Variants in USP47 observed in about 807,000 individuals in gnomAD.
USP47 encodes the protein ubiquitin carboxyl-terminal hydrolase 47.
USP47 carries 35 observed loss-of-function variants against 165.1 expected under a neutral mutation model. The ratio of observed to expected loss-of-function variants is 0.21; its 90% CI spans 0.16 to 0.28. The LOEUF is 0.28. USP47 is among the 10% of genes least tolerant of loss of function. The pLI is 1.00. For missense variants in USP47, 1,277 were observed against 1,607.4 expected (o/e 0.79, Z 3.52); for synonymous variants, 531 against 544.5 (o/e 0.98, Z 0.35).
intron 14 of USP47, among the ~76,000 whole-genome samples, chr11:11,932,473 T>G (rs1178724492): frequency 6.6e-6 from 1 of 152,162 alleles, no homozygotes; most frequent in African/African-American, 2.4e-5. Flanking sequence ...AGGAAGCAGC[T>G]AAAGACTGCT....
At chr11:11,938,740 TTA>T (rs2134750523) in intron 18 of USP47, among the ~76,000 whole-genome samples, 1 of 152,102 alleles carries the variant, frequency 6.6e-6, no homozygotes, top group African/African-American at 2.4e-5. Flanking sequence ...AATGCTGCAT[TTA>T]GTGTCTGGTG....
In USP47 at chr11:11,857,851, A is replaced by G. The variant is rs559434488; in HGVS notation, c.39+15627A>G. Among the ~76,000 whole-genome samples the G allele has an allele frequency of 5.3e-5, 8 of 152,332 alleles. No individual in the cohort carries two copies. In the East Asian group the frequency reaches 7.7e-4, roughly 15 times the overall value. ...TTCAGCCTCTGGTTGGTTGTTGGCA[A>G]ACAGACTGATTACGGGCCAAATCTT... is the stretch of plus-strand genomic sequence containing the variant. On this transcript the variant is annotated intron_variant, in intron 1 of 27. Coordinates refer to ENST00000527733, the MANE Select transcript of USP47 (RefSeq NM_001282659.2).
chr11:11,859,777 G>A (rs116726465), intron 1 of USP47, among the ~76,000 whole-genome samples: 2,855 of 152,198 alleles, frequency 0.019, 65 homozygotes, highest in African/African-American at 0.055. Flanking sequence ...AATTCATAGA[G>A]CATTTTCAAG....
intron 21 of USP47, 27 bp from the exon 22 acceptor site, chr11:11,948,451 G>A: frequency 1.3e-6 from 2 of 1,577,192 alleles, no homozygotes; most frequent in Non-Finnish European, 1.7e-6. Flanking sequence ...GAGACAGCAT[G>A]TCTAAAAAAA....
At position 11,942,646 on chromosome 11, in the gene USP47, C is replaced by T; in HGVS notation, c.2625C>T (p.Asp875=). 3.1e-6 allele frequency: 5 copies of T among 1,613,430 alleles called. No individual in the cohort carries two copies. The highest frequency in any genetic ancestry group is 4.2e-6 in the Non-Finnish European group (5 of 1,179,764). Residue 875 remains aspartate (D), a synonymous_variant, in exon 20 of 28, where the codon GAC becomes GAT. Coordinates refer to ENST00000527733, the MANE Select transcript of USP47 (RefSeq NM_001282659.2). ...LQQQQDGDNG[D]SSKSTETSDF... ...AACAGCAGGATGGAGATAATGGGGA[C>T]AGCAGCAAAAGTACTGAGACAAGTG...
intron 16 of USP47, among the ~76,000 whole-genome samples, chr11:11,934,305 G>T (rs531247022): frequency 2.0e-5 from 3 of 152,100 alleles, no homozygotes; most frequent in Non-Finnish European, 4.4e-5. Flanking sequence ...ACAAGGCGTG[G>T]TCACTGCCTT....
chr11:11,935,224 C>A (rs1023936843), intron 16 of USP47, among the ~76,000 whole-genome samples: 13 of 152,040 alleles, frequency 8.6e-5, no homozygotes, highest in Admixed American at 6.6e-4. Context: ...TACTGCCCCT[C>A]ACTAAACTAT....
At position 11,961,675 on chromosome 11, in the gene USP47, C is replaced by T. The variant is rs1309536667; in HGVS notation, c.*5500C>T. ...GCAGGAGCTCCATTCTTGTTTGCCA[C>T]TCTCCTTTTGTCAATTGGGAAAAAA... is the stretch of plus-strand genomic sequence containing the variant. On this transcript the variant is annotated 3_prime_UTR_variant, in exon 28 of 28. Coordinates refer to ENST00000527733, the MANE Select transcript of USP47 (RefSeq NM_001282659.2). 1.3e-5 allele frequency among the ~76,000 whole-genome samples: 2 copies of T among 152,258 alleles called. No homozygotes were observed. The highest frequency in any genetic ancestry group is 2.9e-5 in the Non-Finnish European group (2 of 68,046).
intron 11 of USP47, among the ~76,000 whole-genome samples, chr11:11,925,340 C>G (rs1854159333): frequency 6.6e-6 from 1 of 152,098 alleles, no homozygotes; most frequent in African/African-American, 2.4e-5. Flanking sequence ...GATCTCCTGA[C>G]CTCATGATCC....
rs1847381771 is a variant in USP47, at chr11:11,959,982, T to G, written c.*3807T>G. ...AAGTAACCTGCTTGAAGAGTATAAT[T>G]TATGGAGATAAAAATACTCAATGCT... On this transcript the variant is annotated 3_prime_UTR_variant, in exon 28 of 28. Transcript: ENST00000527733. 6.6e-6 allele frequency among the ~76,000 whole-genome samples: 1 copy of G among 152,154 alleles called. No homozygotes were observed. Among genetic ancestry groups the G allele is most frequent in the African/African-American group, 2.4e-5 (1 of 41,420 alleles).
rs1854860003 is a variant in USP47 at position 11,933,869 on chromosome 11, G to A, written c.1803G>A (p.Met601Ile). 9 of 1,609,788 alleles carry A rather than the reference G, an allele frequency of 5.6e-6. No homozygotes were observed. The highest frequency in any genetic ancestry group is 7.6e-6 in the Non-Finnish European group (9 of 1,177,182). Residue 601 changes from methionine (M) to isoleucine (I), a missense_variant, in exon 16 of 28, where the codon ATG becomes ATA. This residue lies in a region of USP47 where 909 missense variants were observed against 1,068.1 expected (regional missense o/e 0.85). Transcript: ENST00000527733. ...LFCLHPTKQV[M>I]MENKLEVHKD... ...GTTTGCATCCTACAAAACAAGTAAT[G>A]ATGGAAAATAAATTGGAGGTTCATA... is the stretch of plus-strand genomic sequence containing the variant.
chr11:11,927,250 A>G (rs1854317197), intron 11 of USP47, among the ~76,000 whole-genome samples: 1 of 151,796 alleles, frequency 6.6e-6, no homozygotes, highest in Non-Finnish European at 1.5e-5. Flanking sequence ...GGTTTTGTTC[A>G]GTTTGAACAT....
chr11:11,930,604 T>A (rs1854595472), intron 13 of USP47, 92 bp from the exon 14 acceptor site: 2 of 1,007,326 alleles, frequency 2.0e-6, no homozygotes, highest in Admixed American at 5.2e-5. Context: ...AATTGTTTTT[T>A]AAAAAATCAC....
At chr11:11,886,817 TAA>T (rs1195666900) in intron 3 of USP47, among the ~76,000 whole-genome samples, 1 of 151,522 alleles carries the variant, frequency 6.6e-6, no homozygotes, top group Non-Finnish European at 1.5e-5. Flanking sequence ...CAAAATGAAA[TAA>T]AAAATGTTAA....
chr11:11,923,025 A>G, intron 11 of USP47, 134 bp downstream of exon 11: 1 of 356,898 alleles, frequency 2.8e-6, no homozygotes, highest in Non-Finnish European at 4.6e-6. Context: ...GACTTCTCAA[A>G]TATAGTTTTT....
intron 1 of USP47, chr11:11,873,810 G>T: frequency 6.7e-7 from 1 of 1,486,308 alleles, no homozygotes; most frequent in Non-Finnish European, 8.9e-7. Flanking sequence ...GATGTGTTTT[G>T]GAGATGCAGA....
intron 1 of USP47, among the ~76,000 whole-genome samples, chr11:11,847,212 A>G (rs1487350133): frequency 6.6e-6 from 1 of 151,918 alleles, no homozygotes; most frequent in Admixed American, 6.6e-5. Context: ...AAAAATGAGC[A>G]TGTACATTAT....
intron 1 of USP47, chr11:11,856,889 C>T (rs1849074902): frequency 6.6e-6 from 1 of 152,188 alleles, no homozygotes; most frequent in Non-Finnish European, 1.5e-5. Context: ...GTGTAGAGAA[C>T]TCCCTATTTA....
chr11:11,944,704 GC>G (rs570152858), intron 20 of USP47, among the ~76,000 whole-genome samples: 184 of 152,282 alleles, frequency 1.2e-3, no homozygotes, highest in Non-Finnish European at 2.3e-3. Flanking sequence ...CCACCCCATA[GC>G]TGCTACCACT....
Sources: gnomAD v4.1 joint callset for allele counts (sites outside exome capture counted in the v4.1 genomes callset) on GRCh38, gnomAD v4.1.1 for gene constraint, gnomAD v4.1.1 regional missense constraint, MANE v1.5 for transcripts, NCBI Gene and HGNC (gene_info 2026-07-23, HGNC 2026-07-21) for gene names.